Variants in CCDC7 observed in about 807,000 individuals in gnomAD.
CCDC7 encodes the protein coiled-coil domain-containing protein 7.
CCDC7 carries 183 observed loss-of-function variants against 196.9 expected under a neutral mutation model. That is an observed-to-expected ratio of 0.93 (90% CI 0.82 to 1.05). The LOEUF is 1.05. Among genes scored for constraint, CCDC7 ranks in the 50% least tolerant of loss-of-function variants. The probability of loss-of-function intolerance (pLI) is 0.00; values close to 1 mark genes in which losing one functional copy is unlikely to be tolerated. For synonymous variants in CCDC7, 525 were observed against 484.6 expected, an observed-to-expected ratio of 1.08 and a Z score of -1.10; for missense variants, 1,540 against 1,482.2, an observed-to-expected ratio of 1.04 and a Z score of -0.64.
intron 20 of CCDC7, among the ~76,000 whole-genome samples, chr10:32,653,752 C>T (rs1394342056): frequency 6.6e-6 from 1 of 152,146 alleles, no homozygotes; most frequent in African/African-American, 2.4e-5. Context: ...ACAAATGTTG[C>T]AATTTCTAGA....
intron 11 of CCDC7, among the ~76,000 whole-genome samples, chr10:32,529,003 T>TTTTTA (rs1394484428): frequency 4.6e-5 from 7 of 151,796 alleles, no homozygotes; most frequent in African/African-American, 7.3e-5. Context: ...TTGTAGTTTA[T>TTTTTA]TTTTATTTTA....
intron 9 of CCDC7, chr10:32,513,894 CAGT>C (rs1376357789): frequency 6.6e-6 from 1 of 152,170 alleles, no homozygotes; most frequent in Non-Finnish European, 1.5e-5. Context: ...ACATCATACT[CAGT>C]GGTGAGAATG....
At chr10:32,828,561 A>AAGAAG (rs1565636149) in intron 32 of CCDC7, among the ~76,000 whole-genome samples, 2 of 142,660 alleles carry the variant, frequency 1.4e-5, no homozygotes, top group African/African-American at 5.1e-5. Flanking sequence ...AGAAGAAGAA[A>AAGAAG]GAAGAAGAAG....
intron 11 of CCDC7, among the ~76,000 whole-genome samples, chr10:32,521,025 A>T (rs1440707595): frequency 6.6e-6 from 1 of 151,860 alleles, no homozygotes; most frequent in Non-Finnish European, 1.5e-5. Context: ...AAATGAGTTC[A>T]TCGTAGGTGT....
intron 9 of CCDC7, among the ~76,000 whole-genome samples, chr10:32,495,819 G>A (rs1171628433): frequency 6.6e-6 from 1 of 152,178 alleles, no homozygotes; most frequent in African/African-American, 2.4e-5. Flanking sequence ...TTGAAGCCAG[G>A]TAGCATGATG....
chr10:32,688,058 A>G (rs950705358), intron 22 of CCDC7, among the ~76,000 whole-genome samples: 2 of 152,240 alleles, frequency 1.3e-5, no homozygotes, highest in African/African-American at 4.8e-5. Flanking sequence ...GAGTGCCTCT[A>G]GTGTTCATAT....
intron 11 of CCDC7, among the ~76,000 whole-genome samples, chr10:32,537,702 T>A (rs1327819527): frequency 6.6e-6 from 1 of 152,158 alleles, no homozygotes; most frequent in Admixed American, 6.6e-5. Flanking sequence ...GTTTCAGTCT[T>A]CTGCATATGG....
chr10:32,657,243 A>G (rs999903734), intron 20 of CCDC7, among the ~76,000 whole-genome samples: 2 of 152,184 alleles, frequency 1.3e-5, no homozygotes, highest in Admixed American at 1.3e-4. Context: ...CCCTCTTCTC[A>G]CAGCTCTACT....
At position 32,461,705 on chromosome 10, in the gene CCDC7, GTGTGTA is replaced by G. The variant is rs202206376; in HGVS notation, c.457-976_457-971del. 6.9e-4 allele frequency among the ~76,000 whole-genome samples: 25 copies of G among 36,162 alleles called. 1 individual carries two copies. The East Asian group carries it at 0.01, about 15-fold the overall frequency. 23.7% of individuals were successfully genotyped at this position (36,162 alleles called of 152,430 possible). A position where few individuals can be genotyped will look rare whatever the true frequency, so the allele number is the denominator to read the frequency against. On this transcript the variant is annotated intron_variant, in intron 3 of 41. Coordinates refer to ENST00000639629, the Ensembl canonical transcript of CCDC7. ...TCCTTACATATATGTGTGTGTGTGT[GTGTGTA>G]TATATATATATATATATATGTATAT...
intron 21 of CCDC7, among the ~76,000 whole-genome samples, chr10:32,674,616 G>T (rs771657899): frequency 6.6e-6 from 1 of 151,988 alleles, no homozygotes; most frequent in African/African-American, 2.4e-5. Context: ...CTACAGTGTT[G>T]TTCAGATCTG....
chr10:32,798,948 A>G (rs2084202844), intron 29 of CCDC7, among the ~76,000 whole-genome samples: 1 of 152,110 alleles, frequency 6.6e-6, no homozygotes, highest in Non-Finnish European at 1.5e-5. Flanking sequence ...GCTAGGGGAG[A>G]GAAGGCAGGG....
chr10:32,445,641 G>A (rs2030760134), upstream of CCDC7, among the ~76,000 whole-genome samples: 3 of 152,194 alleles, frequency 2.0e-5, no homozygotes, highest in Admixed American at 2.0e-4. Flanking sequence ...AAAGCAGTGC[G>A]TGGAAACTGA....
intron 29 of CCDC7, among the ~76,000 whole-genome samples, chr10:32,790,363 C>A (rs1021387483): frequency 6.6e-6 from 1 of 152,202 alleles, no homozygotes; most frequent in African/African-American, 2.4e-5. Flanking sequence ...TGCATGCCTG[C>A]GGAACTAACA....
chr10:32,700,731 T>C (rs1192320630), intron 24 of CCDC7, among the ~76,000 whole-genome samples: 1 of 152,230 alleles, frequency 6.6e-6, no homozygotes, highest in African/African-American at 2.4e-5. Flanking sequence ...TTTATTTCAT[T>C]GAGCAGTGGT....
intron 31 of CCDC7, among the ~76,000 whole-genome samples, chr10:32,822,030 T>A (rs1312754493): frequency 6.6e-6 from 1 of 152,068 alleles, no homozygotes; most frequent in Non-Finnish European, 1.5e-5. Flanking sequence ...CCAATAATTT[T>A]ATTGCTAGCA....
intron 21 of CCDC7, among the ~76,000 whole-genome samples, chr10:32,673,183 CTATAA>C (rs1436756990): frequency 6.6e-6 from 1 of 152,030 alleles, no homozygotes; most frequent in East Asian, 1.9e-4. Flanking sequence ...TTTTGACTTA[CTATAA>C]TATAAGCTTT....
intron 6 of CCDC7, 55 bp downstream of exon 7, chr10:32,471,285 T>C: frequency 6.4e-7 from 1 of 1,565,640 alleles, no homozygotes; most frequent in South Asian, 1.2e-5. Flanking sequence ...GGGTATATAA[T>C]TAGCACTGAA....
intron 28 of CCDC7, among the ~76,000 whole-genome samples, chr10:32,733,924 A>G (rs2084409129): frequency 6.6e-6 from 1 of 152,176 alleles, no homozygotes; most frequent in Non-Finnish European, 1.5e-5. Flanking sequence ...AAAAGTCAAA[A>G]ACAACACATG....
intron 21 of CCDC7, among the ~76,000 whole-genome samples, chr10:32,673,595 T>C (rs1303996945): frequency 6.6e-6 from 1 of 151,962 alleles, no homozygotes; most frequent in Non-Finnish European, 1.5e-5. Flanking sequence ...AACCAATTTG[T>C]GTATGTTAAT....
Sources: gnomAD v4.1 joint callset for allele counts (sites outside exome capture counted in the v4.1 genomes callset) on GRCh38, gnomAD v4.1.1 for gene constraint, MANE v1.5 for transcripts, NCBI Gene and HGNC (gene_info 2026-07-23, HGNC 2026-07-21) for gene names.